SPHKAP: variants seen among roughly 807,000 people sequenced by gnomAD.
SPHKAP encodes the protein SPHK1 interactor, AKAP domain containing, also known as A-kinase anchor protein SPHKAP.
Under a neutral mutation model 137.5 loss-of-function variants are expected in SPHKAP, and 67 were observed. The observed-to-expected ratio is 0.49, with a 90% CI of 0.40 to 0.60. SPHKAP has a LOEUF of 0.60. Among genes scored for constraint, SPHKAP ranks in the 20% least tolerant of loss-of-function variants. SPHKAP has a pLI of 0.00. For missense variants in SPHKAP, 2,097 were observed against 2,069.3 expected (o/e 1.01, Z -0.26); for synonymous variants, 813 against 785.3 (o/e 1.04, Z -0.59).
At position 227,994,343 on chromosome 2, in the gene SPHKAP, C is replaced by G. The variant is rs140816449; in HGVS notation, c.4635-723G>C. Among the ~76,000 whole-genome samples, 45 of 152,312 alleles carry G rather than the reference C, an allele frequency of 3.0e-4. No individual in the cohort carries two copies. In the South Asian group the frequency reaches 9.3e-3, roughly 32 times the overall value. The stretch of plus-strand genomic sequence containing the variant: ...GGTCTAGTTACTAGCCTGGAACTTA[C>G]TGACTGAAACACAGCAAAGTTGAGC... On this transcript the variant is annotated intron_variant, in intron 8 of 11. Coordinates refer to ENST00000392056, the MANE Select transcript of SPHKAP (RefSeq NM_001142644.2).
chr2:227,991,692 T>C (rs1300439520), intron 9 of SPHKAP: 10 of 984,442 alleles, frequency 1.0e-5, no homozygotes, highest in Non-Finnish European at 1.2e-5. Flanking sequence ...TTTGGAGATT[T>C]ATTCTTTTGC....
At chr2:228,115,140 G>T (rs1698665552) in intron 2 of SPHKAP, among the ~76,000 whole-genome samples, 1 of 152,146 alleles carries the variant, frequency 6.6e-6, no homozygotes, top group Non-Finnish European at 1.5e-5. Context: ...TCATCAGTGT[G>T]TTGGTGTTTC....
chr2:228,011,540 G>C (rs984231803), intron 7 of SPHKAP, among the ~76,000 whole-genome samples: 1 of 152,126 alleles, frequency 6.6e-6, no homozygotes, highest in Non-Finnish European at 1.5e-5. Flanking sequence ...TTGCAAATAA[G>C]GGTAAATAAA....
chr2:228,125,171 C>T (rs1699034023), intron 2 of SPHKAP, among the ~76,000 whole-genome samples: 1 of 152,140 alleles, frequency 6.6e-6, no homozygotes, highest in South Asian at 2.1e-4. Flanking sequence ...TTTTTCCTCA[C>T]ATGAATCCTA....
intron 1 of SPHKAP, among the ~76,000 whole-genome samples, chr2:228,179,417 C>T (rs946198227): frequency 7.9e-5 from 12 of 152,246 alleles, no homozygotes; most frequent in Non-Finnish European, 1.6e-4. Context: ...TTTCTTTTTG[C>T]ATCCCAATCC....
At chr2:228,058,111 C>T (rs1446507732) in intron 3 of SPHKAP, among the ~76,000 whole-genome samples, 1 of 152,146 alleles carries the variant, frequency 6.6e-6, no homozygotes, top group Non-Finnish European at 1.5e-5. Context: ...TTCCTGCTGA[C>T]TGCTTAATTC....
At chr2:228,085,075 A>T (rs564747472) in intron 3 of SPHKAP, among the ~76,000 whole-genome samples, 31 of 152,340 alleles carry the variant, frequency 2.0e-4, no homozygotes, top group Non-Finnish European at 3.8e-4. Flanking sequence ...TGTAAAATGT[A>T]TACATAAAGG....
In SPHKAP at chr2:228,018,571, A is replaced by C; in HGVS notation, c.2283T>G (p.Ala761=). 6.2e-7 allele frequency: 1 copy of C among 1,613,914 alleles called. No homozygotes were observed. Among genetic ancestry groups the C allele is most frequent in the Non-Finnish European group, 8.5e-7 (1 of 1,179,876 alleles). Residue 761 remains alanine (A), a synonymous_variant, in exon 7 of 12, where the codon GCT becomes GCG. Transcript: ENST00000392056. Reference sequence around the variant, plus strand: ...TGGAGGATTCAGTGGCTTTTGTCCAAGCTTGACTAGCACCCGGATCAGATG... The same window carrying C: ...TGGAGGATTCAGTGGCTTTTGTCCACGCTTGACTAGCACCCGGATCAGATG... ...CQPSDPGASQ[A]WTKATESSSS...
intron 5 of SPHKAP, 24 bp downstream of exon 5, chr2:228,025,370 G>T (rs751639682): frequency 1.2e-6 from 2 of 1,612,494 alleles, no homozygotes; most frequent in South Asian, 1.1e-5. Context: ...TAAGTAAATG[G>T]CTTATCAAGA....
At chr2:228,042,788 T>A (rs912989193) in intron 3 of SPHKAP, among the ~76,000 whole-genome samples, 3 of 152,250 alleles carry the variant, frequency 2.0e-5, no homozygotes, top group Admixed American at 1.3e-4. Context: ...AGACATTAAA[T>A]TGCCTTTTCT....
chr2:228,061,644 G>A (rs766073175), intron 3 of SPHKAP, among the ~76,000 whole-genome samples: 1 of 151,790 alleles, frequency 6.6e-6, no homozygotes, highest in Non-Finnish European at 1.5e-5. Context: ...TAGACTTTAC[G>A]ATATGGAATT....
intron 3 of SPHKAP, among the ~76,000 whole-genome samples, chr2:228,098,144 A>AT (rs1553540203): frequency 1.1e-4 from 17 of 148,480 alleles, no homozygotes; most frequent in South Asian, 2.1e-4. Context: ...TTGCCAACAT[A>AT]TTTTTTTTTT....
In SPHKAP at chr2:228,016,435, GTC is replaced by G. The variant is rs1358652087; in HGVS notation, c.4417_4418del (p.Asp1473HisfsTer10). ...GGATTTGACAAGCGCTCACGGCTGT[GTC>G]TCCACCTCTCACCACATCTGGGATG... ...KNIPDVVRGG[D>X]TAVSACQIHS... On this transcript the variant is annotated frameshift_variant, in exon 7 of 12. Coordinates refer to ENST00000392056, the MANE Select transcript of SPHKAP (RefSeq NM_001142644.2). LOFTEE classifies it high-confidence loss of function. 1 of 1,607,850 alleles carries G rather than the reference GTC, an allele frequency of 6.2e-7. No homozygotes were observed. The highest frequency in any genetic ancestry group is 8.5e-7 in the Non-Finnish European group (1 of 1,177,686).
chr2:228,016,366 A>C (rs1359772805), intron 7 of SPHKAP, 40 bp downstream of exon 7: 1 of 1,513,332 alleles, frequency 6.6e-7, no homozygotes, highest in East Asian at 2.3e-5. Context: ...CGCAAACTCC[A>C]GTCACATGCA....
At chr2:228,006,366 C>A (rs60049398) in intron 7 of SPHKAP, among the ~76,000 whole-genome samples, 30,177 of 152,118 alleles carry the variant, frequency 0.2, 3,345 homozygotes, top group East Asian at 0.39. Flanking sequence ...TCATGTAATT[C>A]TCGTGCCACG....
intron 2 of SPHKAP, among the ~76,000 whole-genome samples, chr2:228,114,001 G>A (rs754531094): frequency 9.2e-5 from 14 of 152,106 alleles, no homozygotes; most frequent in Non-Finnish European, 8.8e-5. Flanking sequence ...AATGCTTGAA[G>A]GAAGAATATG....
intron 3 of SPHKAP, among the ~76,000 whole-genome samples, chr2:228,085,298 G>A (rs540409375): frequency 5.3e-5 from 8 of 152,212 alleles, no homozygotes; most frequent in Middle Eastern, 3.4e-3. Flanking sequence ...ATGACTTATC[G>A]TTATTAGACA....
Position 228,036,115 on chromosome 2 carries a change from AT to A in SPHKAP, c.247-8573del, listed in dbSNP as rs1249506389. Among the ~76,000 whole-genome samples the A allele has an allele frequency of 1.1e-3, 166 of 149,970 alleles. 2 individuals carry two copies. The highest frequency in any genetic ancestry group is 6.1e-3 in the South Asian group (28 of 4,564). ...CAGGCAACCTACAGAATGGGAGAAA[AT>A]TTTTGCAATCTACTCATCTGACAAA... On this transcript the variant is annotated intron_variant, in intron 3 of 11. Transcript: ENST00000392056.
chr2:228,025,428 G>A lies in SPHKAP; in HGVS notation c.407C>T (p.Ser136Phe), dbSNP rs1161491263. ...NEIVVLSGLA[S>F]GNLQADFEVS... ...TTCAAAATCTGCCTGGAGATTTCCA[G>A]AGGCTAACCCACTTAGGACAACAAT... The change falls in exon 5 of 12, where the codon TCT becomes TTT. Residue 136 changes from serine to phenylalanine, a missense_variant. By Grantham distance (155) the Ser-to-Phe change is radical. Transcript: ENST00000392056. 1 of 1,613,830 alleles carries A rather than the reference G, an allele frequency of 6.2e-7. No homozygotes were observed. Among genetic ancestry groups the A allele is most frequent in the East Asian group, 2.2e-5 (1 of 44,804 alleles).
Sources: gnomAD v4.1 joint callset for allele counts (sites outside exome capture counted in the v4.1 genomes callset) on GRCh38, gnomAD v4.1.1 for gene constraint, MANE v1.5 for transcripts, NCBI Gene and HGNC (gene_info 2026-07-23, HGNC 2026-07-21) for gene names.